SLCO5A1: variants seen among roughly 807,000 people sequenced by gnomAD.
SLCO5A1 encodes solute carrier organic anion transporter family member 5A1.
In SLCO5A1, 39 loss-of-function variants were observed where a neutral mutation model predicts 65.1. The ratio of observed to expected loss-of-function variants is 0.60; its 90% CI spans 0.46 to 0.78. The LOEUF is 0.78. Ranked by LOEUF, SLCO5A1 falls within the 30% of genes least tolerant of loss-of-function variation. The pLI, the probability that SLCO5A1 is intolerant of heterozygous loss-of-function variation, is 0.00. For missense variants in SLCO5A1, 1,029 were observed against 1,069.4 expected (o/e 0.96, Z 0.53); for synonymous variants, 438 against 415.7 (o/e 1.05, Z -0.65).
intron 2 of SLCO5A1, among the ~76,000 whole-genome samples, chr8:69,820,717 C>T (rs1040212876): frequency 3.3e-5 from 5 of 151,732 alleles, no homozygotes; most frequent in East Asian, 1.9e-4. Context: ...AATATTTTTC[C>T]GTACAATATT....
chr8:69,690,918 T>C (rs1390861231), intron 6 of SLCO5A1, among the ~76,000 whole-genome samples: 1 of 152,208 alleles, frequency 6.6e-6, no homozygotes, highest in Non-Finnish European at 1.5e-5. Flanking sequence ...AAATGAAAGA[T>C]AGTCATAGAC....
chr8:69,806,279 A>ATT (rs1819986142), intron 2 of SLCO5A1, among the ~76,000 whole-genome samples: 1 of 152,104 alleles, frequency 6.6e-6, no homozygotes. Context: ...CTATTTAAGC[A>ATT]CCCCTCCCCA....
chr8:69,714,296 G>A (rs980089576), intron 5 of SLCO5A1, among the ~76,000 whole-genome samples: 4 of 152,178 alleles, frequency 2.6e-5, no homozygotes, highest in African/African-American at 9.7e-5. Flanking sequence ...ATAGCTTCAA[G>A]CCAAAACTTA....
chr8:69,776,769 C>CA (rs1818577492), intron 2 of SLCO5A1, among the ~76,000 whole-genome samples: 1 of 151,936 alleles, frequency 6.6e-6, no homozygotes, highest in South Asian at 2.1e-4. Context: ...GGCACTTTAC[C>CA]AAAAAAGATA....
At chr8:69,745,213 T>G (rs1192800785) in intron 4 of SLCO5A1, among the ~76,000 whole-genome samples, 2 of 152,222 alleles carry the variant, frequency 1.3e-5, no homozygotes, top group Non-Finnish European at 2.9e-5. Context: ...AATTAGTTTT[T>G]CACCATCTTT....
At chr8:69,705,466 A>T (rs1475707690) in intron 5 of SLCO5A1, among the ~76,000 whole-genome samples, 1 of 152,222 alleles carries the variant, frequency 6.6e-6, no homozygotes, top group Non-Finnish European at 1.5e-5. Context: ...AAAGACAAGC[A>T]ATCCATTACA....
intron 2 of SLCO5A1, among the ~76,000 whole-genome samples, chr8:69,793,320 A>G (rs543108168): frequency 6.6e-6 from 1 of 152,092 alleles, no homozygotes; most frequent in Non-Finnish European, 1.5e-5. Flanking sequence ...TTTTCTAACT[A>G]TAAAGTAACT....
At chr8:69,699,800 G>A (rs1814647375) in intron 6 of SLCO5A1, among the ~76,000 whole-genome samples, 1 of 152,208 alleles carries the variant, frequency 6.6e-6, no homozygotes, top group African/African-American at 2.4e-5. Context: ...GGGACATTCT[G>A]AAATCCAGCA....
rs78333632 is a variant in SLCO5A1, at chr8:69,734,772, A to C, written c.1423+3268T>G. On this transcript the variant is annotated intron_variant, in intron 5 of 9. Transcript: ENST00000260126. ...GTGAAAAGAGAATTTGAACTCAAAA[A>C]CTTTGTCAGATGATAAATTCTTTTT... 4.8e-3 allele frequency among the ~76,000 whole-genome samples: 731 copies of C among 152,306 alleles called. 5 individuals are homozygous for C. Among genetic ancestry groups the C allele is most frequent in the Middle Eastern group, 0.037 (11 of 294 alleles).
intron 3 of SLCO5A1, among the ~76,000 whole-genome samples, chr8:69,759,435 G>C (rs188675271): frequency 6.6e-6 from 1 of 152,190 alleles, no homozygotes; most frequent in East Asian, 1.9e-4. Context: ...TGTACAGCAG[G>C]AACAACTTAG....
At chr8:69,723,330 C>T (rs1433492505) in intron 5 of SLCO5A1, among the ~76,000 whole-genome samples, 1 of 152,140 alleles carries the variant, frequency 6.6e-6, no homozygotes, top group Non-Finnish European at 1.5e-5. Flanking sequence ...TGGCTTACTG[C>T]AACCTCTGCA....
intron 2 of SLCO5A1, among the ~76,000 whole-genome samples, chr8:69,789,506 A>G (rs2130890928): frequency 6.6e-6 from 1 of 152,330 alleles, no homozygotes; most frequent in South Asian, 2.1e-4. Context: ...AGAATGAAAC[A>G]GTGGTTACCA....
rs994076873 is a variant in SLCO5A1, at chr8:69,832,947, G to C, written c.-274C>G. The stretch of plus-strand genomic sequence containing the variant: ...TGAGCCCTACTCGGCGTCCCTCTCC[G>C]GGCGGTAGCTTGAGGCAGGCGCCTC... On this transcript the variant is annotated 5_prime_UTR_variant, in exon 2 of 10. Coordinates refer to ENST00000260126, the MANE Select transcript of SLCO5A1 (RefSeq NM_030958.3). The surrounding 1 kb of genome is among the most constrained non-coding windows in gnomAD (Gnocchi z 4.5). 2 of 438,782 alleles carry C rather than the reference G, an allele frequency of 4.6e-6. No homozygotes were observed. Among genetic ancestry groups the C allele is most frequent in the Non-Finnish European group, 3.9e-6 (1 of 253,952 alleles). 27.2% of individuals were successfully genotyped at this position (438,782 alleles called of 1,614,324 possible). A position where few individuals can be genotyped will look rare whatever the true frequency, so the allele number is the denominator to read the frequency against.
intron 4 of SLCO5A1, among the ~76,000 whole-genome samples, chr8:69,750,979 C>T (rs1817271852): frequency 2.0e-5 from 3 of 152,138 alleles, no homozygotes; most frequent in African/African-American, 4.8e-5. Context: ...TTTCAGTAGC[C>T]TCTTTAAATC....
At chr8:69,781,573 A>G (rs113238837) in intron 2 of SLCO5A1, among the ~76,000 whole-genome samples, 1 of 152,144 alleles carries the variant, frequency 6.6e-6, no homozygotes, top group Admixed American at 6.5e-5. Context: ...TAAGGCCTTT[A>G]TATGTATTTT....
chr8:69,690,452 A>C (rs1242360988), intron 6 of SLCO5A1, among the ~76,000 whole-genome samples: 1 of 152,230 alleles, frequency 6.6e-6, no homozygotes, highest in African/African-American at 2.4e-5. Context: ...CCCATGAGAC[A>C]CAGGCAAGGA....
intron 2 of SLCO5A1, among the ~76,000 whole-genome samples, chr8:69,799,841 G>T (rs952260796): frequency 6.6e-6 from 1 of 152,196 alleles, no homozygotes; most frequent in Non-Finnish European, 1.5e-5. Context: ...CCCACAACAT[G>T]TGGGGATTAG....
intron 2 of SLCO5A1, among the ~76,000 whole-genome samples, chr8:69,779,743 C>T (rs1208831523): frequency 2.0e-5 from 3 of 152,086 alleles, no homozygotes; most frequent in Non-Finnish European, 4.4e-5. Flanking sequence ...AAAGCCTGTC[C>T]TCTTTTCATT....
At chr8:69,723,422 T>G (rs1815919937) in intron 5 of SLCO5A1, among the ~76,000 whole-genome samples, 1 of 151,918 alleles carries the variant, frequency 6.6e-6, no homozygotes, top group South Asian at 2.1e-4. Context: ...CACCTAATTT[T>G]TTTTTTTATT....
Sources: gnomAD v4.1 joint callset for allele counts (sites outside exome capture counted in the v4.1 genomes callset) on GRCh38, gnomAD v4.1.1 for gene constraint, Gnocchi (gnomAD v3.1) non-coding constraint, MANE v1.5 for transcripts, NCBI Gene and HGNC (gene_info 2026-07-23, HGNC 2026-07-21) for gene names.